The following ULK4 variants were observed in gnomAD, a reference collection of about 807,000 sequenced individuals.
ULK4 encodes the protein inactive serine/threonine-protein kinase ULK4.
Under a neutral mutation model 160.6 loss-of-function variants are expected in ULK4, and 133 were observed. The observed-to-expected ratio is 0.83, with a 90% confidence interval of 0.72 to 0.96. The LOEUF is 0.96. Ranked by LOEUF, ULK4 falls within the 40% of genes least tolerant of loss-of-function variation. ULK4 has a pLI of 0.00. For missense variants in ULK4, 1,580 were observed against 1,499.5 expected (o/e 1.05, Z -0.89); for synonymous variants, 534 against 539.8 (o/e 0.99, Z 0.15).
intron 19 of ULK4, among the ~76,000 whole-genome samples, chr3:41,808,940 G>A (rs532046985): frequency 1.2e-4 from 18 of 152,184 alleles, no homozygotes; most frequent in Middle Eastern, 3.4e-3. Context: ...AGGCTGAGGC[G>A]GGCGGATCAC....
intron 30 of ULK4, among the ~76,000 whole-genome samples, chr3:41,658,336 T>C (rs888693679): frequency 6.6e-6 from 1 of 152,190 alleles, no homozygotes; most frequent in African/African-American, 2.4e-5. Flanking sequence ...TGTGATTTAA[T>C]TGGCCTAGGG....
At chr3:41,810,444 C>T (rs1187726786) in intron 19 of ULK4, among the ~76,000 whole-genome samples, 4 of 152,130 alleles carry the variant, frequency 2.6e-5, no homozygotes, top group Non-Finnish European at 5.9e-5. Context: ...TGCCTTTACT[C>T]CTCTTTGTTG....
At chr3:41,849,157 G>A (rs946005570) in intron 17 of ULK4, among the ~76,000 whole-genome samples, 8 of 152,172 alleles carry the variant, frequency 5.3e-5, no homozygotes, top group African/African-American at 9.7e-5. Context: ...TTTTGTTACC[G>A]TAACATAAGC....
At chr3:41,687,373 AG>A (rs199982104) in intron 27 of ULK4, among the ~76,000 whole-genome samples, 2,461 of 151,636 alleles carry the variant, frequency 0.016, 48 homozygotes, top group African/African-American at 0.051. Context: ...CTCCATCTCA[AG>A]AAAAAAAAAA....
chr3:41,403,392 A>G (rs2082225159), intron 34 of ULK4, among the ~76,000 whole-genome samples: 1 of 152,210 alleles, frequency 6.6e-6, no homozygotes, highest in Non-Finnish European at 1.5e-5. Flanking sequence ...AAAATTGTTC[A>G]CAGCATTCCC....
At chr3:41,400,903 T>C (rs1284230754) in intron 34 of ULK4, among the ~76,000 whole-genome samples, 1 of 152,228 alleles carries the variant, frequency 6.6e-6, no homozygotes, top group Non-Finnish European at 1.5e-5. Context: ...TATCTCATTG[T>C]AGTTTAAATT....
intron 31 of ULK4, among the ~76,000 whole-genome samples, chr3:41,593,527 CAA>C (rs1209732878): frequency 2.6e-5 from 4 of 152,090 alleles, no homozygotes; most frequent in African/African-American, 9.7e-5. Context: ...TGGAACCACA[CAA>C]AGAGATGACC....
chr3:41,628,542 TA>T (rs1422065483), intron 30 of ULK4, among the ~76,000 whole-genome samples: 2 of 152,136 alleles, frequency 1.3e-5, no homozygotes, highest in African/African-American at 2.4e-5. Context: ...TCTTACAAAG[TA>T]ACTACCTAGT....
intron 35 of ULK4, among the ~76,000 whole-genome samples, chr3:41,373,045 G>T (rs1265118916): frequency 6.6e-6 from 1 of 152,044 alleles, no homozygotes; most frequent in Non-Finnish European, 1.5e-5. Context: ...ACAATGAAGG[G>T]CATTATGTAA....
chr3:41,615,692 G>GAAA lies in ULK4; in HGVS notation c.3096_3097insTTT (p.Ile1032_Pro1033insPhe), dbSNP rs1406641448. ...ACCAGAGTTACTTCAAAAATGAGTG[G>GAAA]GATCAGTTTGCTTTCTTCCACAAGT... is the stretch of plus-strand genomic sequence containing the variant. On this transcript the variant is annotated inframe_insertion, in exon 31 of 37. Coordinates refer to ENST00000301831, the MANE Select transcript of ULK4 (RefSeq NM_017886.4). 8 of 1,612,470 alleles carry GAAA rather than the reference G, an allele frequency of 5.0e-6. No homozygotes were observed. The highest frequency in any genetic ancestry group is 5.9e-6 in the Non-Finnish European group (7 of 1,179,318).
At chr3:41,713,742 A>C (rs1672231519) in intron 25 of ULK4, among the ~76,000 whole-genome samples, 1 of 152,198 alleles carries the variant, frequency 6.6e-6, no homozygotes, top group African/African-American at 2.4e-5. Context: ...TTATGGACAC[A>C]CTCAGTGTGG....
chr3:41,517,103 A>G (rs946612868), intron 32 of ULK4, among the ~76,000 whole-genome samples: 10 of 152,228 alleles, frequency 6.6e-5, no homozygotes, highest in African/African-American at 1.9e-4. Flanking sequence ...TACAGATGGC[A>G]AATGAGCACA....
intron 18 of ULK4, among the ~76,000 whole-genome samples, chr3:41,830,951 AG>A (rs2041559570): frequency 6.6e-6 from 1 of 152,100 alleles, no homozygotes; most frequent in East Asian, 1.9e-4. Context: ...TGCGAGGAAA[AG>A]TGCCTTTCAC....
At chr3:41,852,279 A>C (rs9883369) in intron 17 of ULK4, among the ~76,000 whole-genome samples, 4 of 151,936 alleles carry the variant, frequency 2.6e-5, no homozygotes, top group African/African-American at 9.7e-5. Context: ...CAGGACCAGA[A>C]GGATTCACAG....
intron 34 of ULK4, among the ~76,000 whole-genome samples, chr3:41,454,592 T>C (rs918008888): frequency 6.6e-6 from 1 of 151,434 alleles, no homozygotes; most frequent in African/African-American, 2.4e-5. Context: ...ATAGAATTAA[T>C]TGGCAAAAAT....
intron 31 of ULK4, among the ~76,000 whole-genome samples, chr3:41,576,411 G>A (rs974028862): frequency 2.6e-5 from 4 of 152,170 alleles, no homozygotes; most frequent in South Asian, 2.1e-4. Flanking sequence ...TTGAGGGCAC[G>A]ACTGAGACTT....
At chr3:41,455,830 G>A (rs1435348514) in intron 33 of ULK4, among the ~76,000 whole-genome samples, 1 of 152,210 alleles carries the variant, frequency 6.6e-6, no homozygotes, top group Non-Finnish European at 1.5e-5. Context: ...GACCTGGACA[G>A]CACATAGATA....
intron 34 of ULK4, among the ~76,000 whole-genome samples, chr3:41,434,957 C>T (rs553755084): frequency 1.1e-3 from 174 of 152,308 alleles, no homozygotes; most frequent in African/African-American, 3.8e-3. Context: ...TTCTGCATGA[C>T]GAATTTTGTA....
intron 35 of ULK4, among the ~76,000 whole-genome samples, chr3:41,274,197 G>T (rs1166041706): frequency 6.6e-6 from 1 of 152,016 alleles, no homozygotes; most frequent in Non-Finnish European, 1.5e-5. Context: ...GAAAGCCATT[G>T]TTTTCTGTAT....
Sources: allele counts gnomAD v4.1 joint callset (sites outside exome capture counted in the v4.1 genomes callset), GRCh38; gene constraint gnomAD v4.1.1; transcripts MANE v1.5; gene names NCBI Gene and HGNC (gene_info 2026-07-23, HGNC 2026-07-21).